SEC24D: variants seen among roughly 807,000 people sequenced by gnomAD.
The protein encoded by SEC24D is protein transport protein Sec24D.
Under a neutral mutation model 116.9 loss-of-function variants are expected in SEC24D, and 69 were observed. That is an observed-to-expected ratio of 0.59 (90% CI 0.49 to 0.72). The LOEUF is 0.72. Among genes scored for constraint, SEC24D ranks in the 30% least tolerant of loss-of-function variants. The pLI, the probability that SEC24D is intolerant of heterozygous loss-of-function variation, is 0.00. For missense variants in SEC24D, 1,131 were observed against 1,264.1 expected, an observed-to-expected ratio of 0.89 and a Z score of 1.60; for synonymous variants, 405 against 442.8, an observed-to-expected ratio of 0.91 and a Z score of 1.07.
At chr4:118,808,491 T>C (rs1729767411) in intron 6 of SEC24D, among the ~76,000 whole-genome samples, 1 of 152,230 alleles carries the variant, frequency 6.6e-6, no homozygotes, top group African/African-American at 2.4e-5. Context: ...AGTAATTACA[T>C]TTCTAAATTA....
At chr4:118,769,251 T>C (rs1274424977) in intron 8 of SEC24D, among the ~76,000 whole-genome samples, 3 of 152,174 alleles carry the variant, frequency 2.0e-5, no homozygotes, top group African/African-American at 7.2e-5. Context: ...AAATAAATCA[T>C]TCAATTGCTT....
At chr4:118,762,319 C>G (rs1399816519) in intron 10 of SEC24D, among the ~76,000 whole-genome samples, 1 of 152,016 alleles carries the variant, frequency 6.6e-6, no homozygotes, top group Non-Finnish European at 1.5e-5. Context: ...CACACAGATA[C>G]GGTTTTCAGT....
Position 118,752,758 on chromosome 4 carries a change from A to T in SEC24D, c.1552T>A (p.Phe518Ile). ...MMVVTDVGEV[F>I]VPLLDGFLVN... is the part of the protein sequence containing the mutation. ...AGGAAACCATCCAACAAAGGAACAAAGACTTCTCCAACATCAGTCACCACC... is the reference window on the plus strand; with the variant it reads ...AGGAAACCATCCAACAAAGGAACAATGACTTCTCCAACATCAGTCACCACC... The change falls in exon 12 of 23, where the codon TTT (phenylalanine) becomes ATT (isoleucine). Residue 518 changes from phenylalanine (F) to isoleucine (I), a missense_variant. Coordinates refer to ENST00000280551, the MANE Select transcript of SEC24D (RefSeq NM_014822.4). The T allele has an allele frequency of 6.2e-7, 1 of 1,612,182 alleles. No individual in the cohort carries two copies. Among genetic ancestry groups the T allele is most frequent in the Non-Finnish European group, 8.5e-7 (1 of 1,179,338 alleles).
chr4:118,805,066 G>A (rs1183881632), intron 7 of SEC24D, among the ~76,000 whole-genome samples: 2 of 152,064 alleles, frequency 1.3e-5, no homozygotes, highest in East Asian at 3.9e-4. Flanking sequence ...GGGCAGTAAG[G>A]AGTGGAGTCT....
intron 15 of SEC24D, among the ~76,000 whole-genome samples, chr4:118,743,365 AC>A (rs1726334237): frequency 6.6e-6 from 1 of 151,880 alleles, no homozygotes; most frequent in South Asian, 2.1e-4. Context: ...ATACACACAC[AC>A]ACACACACAC....
chr4:118,786,653 T>C (rs1728675106), intron 8 of SEC24D, among the ~76,000 whole-genome samples: 1 of 152,182 alleles, frequency 6.6e-6, no homozygotes, highest in Admixed American at 6.5e-5. Context: ...ATTTTTAAAA[T>C]GTTAAAATAT....
intron 13 of SEC24D, among the ~76,000 whole-genome samples, chr4:118,747,872 T>C (rs192072166): frequency 1.2e-4 from 18 of 152,320 alleles, no homozygotes; most frequent in African/African-American, 4.1e-4. Flanking sequence ...TCCCATGACA[T>C]AGGCAATACA....
chr4:118,811,826 G>T (rs2110520229), intron 6 of SEC24D, among the ~76,000 whole-genome samples: 1 of 152,292 alleles, frequency 6.6e-6, no homozygotes, highest in South Asian at 2.1e-4. Flanking sequence ...ACATCTTACA[G>T]CAGTATACAG....
At chr4:118,813,880 C>T (rs1398258832) in intron 6 of SEC24D, among the ~76,000 whole-genome samples, 1 of 152,170 alleles carries the variant, frequency 6.6e-6, no homozygotes. Flanking sequence ...GCCAAGCCTC[C>T]AGCTGACCCC....
intron 8 of SEC24D, among the ~76,000 whole-genome samples, chr4:118,796,599 T>A (rs1474068478): frequency 6.6e-6 from 1 of 152,196 alleles, no homozygotes; most frequent in East Asian, 1.9e-4. Flanking sequence ...TGAAAGCTAC[T>A]GCACACATCA....
chr4:118,733,141 T>C (rs1725780073), intron 19 of SEC24D: 2 of 411,928 alleles, frequency 4.9e-6, no homozygotes, highest in South Asian at 6.4e-5. Flanking sequence ...CTGGTGTAGC[T>C]GTTATCAGCA....
chr4:118,768,597 G>A (rs1205103458), intron 8 of SEC24D, among the ~76,000 whole-genome samples: 2 of 152,156 alleles, frequency 1.3e-5, no homozygotes, highest in Non-Finnish European at 2.9e-5. Flanking sequence ...GTTTCGCCAT[G>A]TTGGCCAGGC....
At chr4:118,746,105 G>A (rs1386212722) in intron 13 of SEC24D, among the ~76,000 whole-genome samples, 3 of 151,884 alleles carry the variant, frequency 2.0e-5, no homozygotes, top group African/African-American at 7.3e-5. Context: ...AAGCCTAGGA[G>A]TTTGAGGCTG....
chr4:118,727,818 A>C (rs1173997523), intron 22 of SEC24D, among the ~76,000 whole-genome samples: 1 of 152,090 alleles, frequency 6.6e-6, no homozygotes, highest in African/African-American at 2.4e-5. Context: ...GCTCTACCTA[A>C]AGTTGATGTT....
chr4:118,752,711 T>C lies in SEC24D; in HGVS notation c.1599A>G (p.Gln533=), dbSNP rs1726899732. Residue 533 remains glutamine (Q), a synonymous_variant, in exon 12 of 23, where the codon CAA becomes CAG. Coordinates refer to ENST00000280551, the MANE Select transcript of SEC24D (RefSeq NM_014822.4). ...TTGATATTTACTTATGAATCACAGA[T>C]TGGGATTCTTGATAGTTGACAAGGA... is the stretch of plus-strand genomic sequence containing the variant. ...DGFLVNYQES[Q]SVIHNLLDQI... The C allele has an allele frequency of 1.9e-6, 3 of 1,599,358 alleles. No individual in the cohort carries two copies. Among genetic ancestry groups the C allele is most frequent in the Admixed American group, 1.8e-5 (1 of 56,980 alleles).
intron 10 of SEC24D, among the ~76,000 whole-genome samples, chr4:118,763,429 C>T (rs778050272): frequency 4.6e-5 from 7 of 152,280 alleles, no homozygotes; most frequent in Non-Finnish European, 1.0e-4. Context: ...CATGACTGCT[C>T]GCCTTGCAAA....
intron 17 of SEC24D, 116 bp from the exon 18 acceptor site, chr4:118,739,403 T>A: frequency 1.1e-6 from 1 of 896,754 alleles, no homozygotes; most frequent in Non-Finnish European, 1.6e-6. Context: ...GACCTCTAAC[T>A]ATTTTTCCAC....
At chr4:118,790,066 C>T (rs985425064) in intron 8 of SEC24D, among the ~76,000 whole-genome samples, 2 of 152,134 alleles carry the variant, frequency 1.3e-5, no homozygotes, top group Admixed American at 6.5e-5. Context: ...GCAAGAGTAA[C>T]TGATCTTGTT....
chr4:118,779,077 A>T (rs1033378232), intron 8 of SEC24D, among the ~76,000 whole-genome samples: 2 of 152,150 alleles, frequency 1.3e-5, no homozygotes, highest in South Asian at 4.2e-4. Flanking sequence ...CTCTTTTCCT[A>T]ATTAAATACG....
Sources: allele counts gnomAD v4.1 joint callset (sites outside exome capture counted in the v4.1 genomes callset), GRCh38; gene constraint gnomAD v4.1.1; transcripts MANE v1.5; gene names NCBI Gene and HGNC (gene_info 2026-07-23, HGNC 2026-07-21).